Variants in TENM1 observed in about 807,000 individuals in gnomAD.
TENM1 encodes teneurin transmembrane protein 1.
Under a neutral mutation model 174.8 loss-of-function variants are expected in TENM1, and 35 were observed. The observed-to-expected ratio is 0.20, with a 90% confidence interval of 0.15 to 0.27. TENM1 has a LOEUF of 0.27. Among genes scored for constraint, TENM1 ranks in the 10% least tolerant of loss-of-function variants. TENM1 has a pLI of 1.00. For missense variants in TENM1, 1,633 were observed against 2,130.1 expected, an observed-to-expected ratio of 0.77 and a Z score of 4.59; for synonymous variants, 781 against 798.7, an observed-to-expected ratio of 0.98 and a Z score of 0.37.
At chrX:124,963,590 A>G (rs759638717) in exon 1 of TENM1, 1 of 1,210,728 alleles carries the variant, frequency 8.3e-7, no homozygotes, top group Admixed American at 2.2e-5. Flanking sequence ...ATTGTAATTC[A>G]TCCTCAGCTC....
chrX:124,412,588 A>G (rs888355578), intron 25 of TENM1, among the ~76,000 whole-genome samples: 11 of 112,780 alleles, frequency 9.8e-5, no homozygotes, highest in Non-Finnish European at 1.5e-4. Context: ...CTTTCATGTC[A>G]GAAAGCTGAC....
intron 25 of TENM1, among the ~76,000 whole-genome samples, chrX:124,415,567 T>G (rs2060584793): frequency 8.9e-6 from 1 of 111,788 alleles, no homozygotes; most frequent in South Asian, 3.7e-4. Context: ...CCAACTAGCA[T>G]GTGAATGGGC....
chrX:124,729,901 G>C (rs2053525688), intron 4 of TENM1, among the ~76,000 whole-genome samples: 1 of 111,529 alleles, frequency 9.0e-6, no homozygotes, highest in Admixed American at 9.5e-5. Flanking sequence ...CTGTTGCCCA[G>C]GCTGGAGTGC....
At chrX:124,520,677 T>C (rs767897334) in exon 18 of TENM1, 1 of 1,210,567 alleles carries the variant, frequency 8.3e-7, no homozygotes, top group Non-Finnish European at 1.1e-6. Flanking sequence ...CAGGAATCGT[T>C]GAATGTGTCA....
Position 124,671,836 on chromosome X carries a change from C to T in TENM1, c.1016-1G>A. The stretch of plus-strand genomic sequence containing the variant: ...CAAGTCAGGCCGAACAAATGCACTG[C>T]TGCAAGAGAACAAGCCATACATTAA... On this transcript the variant is annotated splice_acceptor_variant, in intron 5 of 31. Transcript: ENST00000422452. LOFTEE classifies it high-confidence loss of function. 2 of 1,209,170 alleles carry T rather than the reference C, an allele frequency of 1.7e-6. No homozygotes were observed. The highest frequency in any genetic ancestry group is 2.2e-6 in the Non-Finnish European group (2 of 894,146).
chrX:124,979,595 G>T, the TENM1 span, among the ~76,000 whole-genome samples: 2 of 110,571 alleles, frequency 1.8e-5, no homozygotes, highest in African/African-American at 6.6e-5. Context: ...TTACATATAG[G>T]TCTCAGATTG....
intron 18 of TENM1, among the ~76,000 whole-genome samples, chrX:124,510,027 T>C (rs2047546446): frequency 8.9e-6 from 1 of 112,454 alleles, no homozygotes; most frequent in Admixed American, 9.4e-5. Context: ...CCCAGCCTAC[T>C]TTCTGGAATT....
the TENM1 span, among the ~76,000 whole-genome samples, chrX:124,986,463 C>G: frequency 8.9e-6 from 1 of 111,857 alleles, no homozygotes; most frequent in Admixed American, 9.5e-5. Context: ...AAATACTGGC[C>G]ATGATTCCCT....
In TENM1 at chrX:124,491,778, G is replaced by A. The variant is rs142245821; in HGVS notation, c.3696-4549C>T. 4.7e-3 allele frequency among the ~76,000 whole-genome samples: 519 copies of A among 111,529 alleles called. 5 individuals are homozygous for A. The highest frequency in any genetic ancestry group is 0.016 in the African/African-American group (477 of 30,736). ...CAGATGTTTCAATTGGAAACGTTTCGGATCAATAGGGCTGAGGCAGAAAAT... is the reference window on the plus strand; with the variant it reads ...CAGATGTTTCAATTGGAAACGTTTCAGATCAATAGGGCTGAGGCAGAAAAT... On this transcript the variant is annotated intron_variant, in intron 20 of 31. Coordinates refer to ENST00000422452, the Ensembl canonical transcript of TENM1.
chrX:124,706,916 T>G (rs1442498617), intron 4 of TENM1, among the ~76,000 whole-genome samples: 1 of 109,925 alleles, frequency 9.1e-6, no homozygotes, highest in Non-Finnish European at 1.9e-5. Flanking sequence ...AATCAGAATC[T>G]AGGTCATTTG....
the TENM1 span, among the ~76,000 whole-genome samples, chrX:125,119,721 C>T: frequency 2.7e-5 from 3 of 110,818 alleles, no homozygotes; most frequent in Non-Finnish European, 5.7e-5. Context: ...TAAGTTCTCC[C>T]AGAATTAAAA....
the TENM1 span, among the ~76,000 whole-genome samples, chrX:125,155,244 G>A: frequency 8.9e-6 from 1 of 111,945 alleles, no homozygotes; most frequent in Non-Finnish European, 1.9e-5. Flanking sequence ...ACAGAATGTC[G>A]ATTGGTGCAT....
In TENM1 at chrX:124,563,733, G is replaced by A. The variant is rs779491396; in HGVS notation, c.2287+16C>T. ...AAAATATATTTCTGTTATAAAATTAGTGAGAAAAATCTTACCTCGGACAGC... is the reference window on the plus strand; with the variant it reads ...AAAATATATTTCTGTTATAAAATTAATGAGAAAAATCTTACCTCGGACAGC... On this transcript the variant is annotated intron_variant, in intron 13 of 31. Coordinates refer to ENST00000422452, the Ensembl canonical transcript of TENM1. The A allele has an allele frequency of 2.6e-6, 3 of 1,169,943 alleles. No homozygotes were observed. Among genetic ancestry groups the A allele is most frequent in the Non-Finnish European group, 3.5e-6 (3 of 865,889 alleles).
chrX:125,014,265 GA>G, the TENM1 span, among the ~76,000 whole-genome samples: 3 of 112,270 alleles, frequency 2.7e-5, no homozygotes, highest in Non-Finnish European at 5.6e-5. Flanking sequence ...ATGGATATAT[GA>G]AAACAAATGC....
intron 27 of TENM1, among the ~76,000 whole-genome samples, chrX:124,397,398 A>G (rs1038742827): frequency 4.5e-5 from 5 of 111,685 alleles, no homozygotes; most frequent in Non-Finnish European, 7.5e-5. Context: ...CACGCCTGTG[A>G]ATGTGCTGAA....
intron 3 of TENM1, among the ~76,000 whole-genome samples, chrX:124,783,915 T>C (rs1181765186): frequency 9.0e-6 from 1 of 111,726 alleles, no homozygotes; most frequent in Non-Finnish European, 1.9e-5. Flanking sequence ...ATTCTGTATA[T>C]AAACTCTGCC....
At chrX:124,547,530 A>T (rs1482991600) in intron 14 of TENM1, among the ~76,000 whole-genome samples, 1 of 112,205 alleles carries the variant, frequency 8.9e-6, no homozygotes, top group Non-Finnish European at 1.9e-5. Flanking sequence ...GTATTTTTTT[A>T]AAAAATCCTC....
chrX:124,547,120 T>C, intron 14 of TENM1, 30 bp from the exon 18 acceptor site: 1 of 1,095,156 alleles, frequency 9.1e-7, no homozygotes. Context: ...CCAATATTGA[T>C]TATTTAGCTT....
chrX:125,199,673 A>T, the TENM1 span, among the ~76,000 whole-genome samples: 1 of 111,564 alleles, frequency 9.0e-6, no homozygotes, highest in Non-Finnish European at 1.9e-5. Context: ...CAGGCCTTGA[A>T]ATGGGTCCTG....
Sources: allele counts gnomAD v4.1 joint callset (sites outside exome capture counted in the v4.1 genomes callset), GRCh38; gene constraint gnomAD v4.1.1; transcripts MANE v1.5; gene names NCBI Gene and HGNC (gene_info 2026-07-23, HGNC 2026-07-21).